Variants in LIN7C observed in about 807,000 individuals in gnomAD.
The protein encoded by LIN7C is lin-7 cell polarity scaffold C.
Under a neutral mutation model 24.7 loss-of-function variants are expected in LIN7C, and 17 were observed. That is an observed-to-expected ratio of 0.69 (90% CI 0.47 to 1.03). The LOEUF (loss-of-function observed/expected upper bound fraction) is 1.03, where lower values mean the gene tolerates loss of function less well. Ranked by LOEUF, LIN7C falls within the 50% of genes least tolerant of loss-of-function variation. The pLI is 0.00. For missense variants in LIN7C, 204 were observed against 239.0 expected (o/e 0.85, Z 0.97); for synonymous variants, 90 against 83.4 (o/e 1.08, Z -0.43).
rs781711469 is a variant in LIN7C at position 27,506,748 on chromosome 11, G to T, written c.5C>A (p.Ala2Glu). The T allele has an allele frequency of 9.9e-6, 16 of 1,613,930 alleles. No homozygotes were observed. The highest frequency in any genetic ancestry group is 1.4e-5 in the Non-Finnish European group (16 of 1,180,004). ...CAGCCGCACGGGTTCCCCTAGCGCC[G>T]CCATCTTCTCCCTTAACCTACAGAC... MAALGEPVRLER... is the reference protein window; with the variant it reads MEALGEPVRLER... The change falls in exon 1 of 5, where the codon GCG (alanine) becomes GAG (glutamate). Residue 2 changes from alanine (A) to glutamate (E), a missense_variant. Ala to Glu is a moderately radical substitution (Grantham distance 107). Around this residue, in one of 3 missense-constraint regions of LIN7C, gnomAD observed 126 missense variants for 117.8 expected, o/e 1.07. Transcript: ENST00000278193.
At chr11:27,502,374 C>T (rs1865234371) in intron 1 of LIN7C, among the ~76,000 whole-genome samples, 1 of 152,078 alleles carries the variant, frequency 6.6e-6, no homozygotes, top group East Asian at 1.9e-4. Context: ...GCACTATAAG[C>T]TAGTAAAATC....
In LIN7C at chr11:27,498,693, G is replaced by A. The variant is rs1305337388; in HGVS notation, c.550C>T (p.Arg184Cys). ...TPKVLEEMES[R>C]FEKMRSAKRR... ...TTTGCTGATCTCATTTTTTCAAAGC[G>A]CGACTCCATTTCTTCTAAGACTTTG... The change falls in exon 5 of 5, where the codon CGC becomes TGC. Residue 184 changes from arginine to cysteine, a missense_variant. Coordinates refer to ENST00000278193, the MANE Select transcript of LIN7C (RefSeq NM_018362.4). 51 of 1,613,512 alleles carry A rather than the reference G, an allele frequency of 3.2e-5. No individual in the cohort carries two copies. Among genetic ancestry groups the A allele is most frequent in the Non-Finnish European group, 4.2e-5 (50 of 1,179,846 alleles).
intron 1 of LIN7C, among the ~76,000 whole-genome samples, chr11:27,506,252 G>T (rs908491639): frequency 2.6e-5 from 4 of 152,234 alleles, no homozygotes; most frequent in Admixed American, 2.6e-4. Context: ...AAGCGAGGTT[G>T]TGGAGAAAGT....
rs1865228887 is a variant in LIN7C at position 27,501,801 on chromosome 11, C to T, written c.156+1G>A. On this transcript the variant is annotated splice_donor_variant, in intron 2 of 4. Coordinates refer to ENST00000278193, the MANE Select transcript of LIN7C (RefSeq NM_018362.4). LOFTEE classifies it high-confidence loss of function. ...TGTAAATTTTAATGATGTTTACTCA[C>T]CTCTCTCACAGCATTGCAGAATTCA... is the stretch of plus-strand genomic sequence containing the variant. 6.3e-7 allele frequency: 1 copy of T among 1,579,874 alleles called. No homozygotes were observed. The highest frequency in any genetic ancestry group is 8.7e-7 in the Non-Finnish European group (1 of 1,150,460).
At position 27,506,704 on chromosome 11, in the gene LIN7C, G is replaced by A. The variant is rs1486891183; in HGVS notation, c.37+12C>T. ...CTTCCGCCCACCTCCGCCGAGCCTC[G>A]GCTGCACTCACCTCTCTCCAGCCGC... On this transcript the variant is annotated intron_variant, in intron 1 of 4. Transcript: ENST00000278193. 1.1e-5 allele frequency: 17 copies of A among 1,613,716 alleles called. No homozygotes were observed. Among genetic ancestry groups the A allele is most frequent in the Non-Finnish European group, 1.4e-5 (17 of 1,179,968 alleles).
At chr11:27,506,249 G>A (rs1335077178) in intron 1 of LIN7C, among the ~76,000 whole-genome samples, 2 of 152,244 alleles carry the variant, frequency 1.3e-5, no homozygotes, top group Non-Finnish European at 2.9e-5. Context: ...TACAAGCGAG[G>A]TTGTGGAGAA....
At chr11:27,505,214 C>T (rs901675555) in intron 1 of LIN7C, among the ~76,000 whole-genome samples, 3 of 152,168 alleles carry the variant, frequency 2.0e-5, no homozygotes, top group African/African-American at 7.2e-5. Flanking sequence ...CGCCTGCAGT[C>T]CCAGCTACTC....
In LIN7C at chr11:27,498,083, T is replaced by C. The variant is rs1351769380; in HGVS notation, c.*566A>G. 1 of 152,310 alleles carries C rather than the reference T, an allele frequency of 6.6e-6. No individual in the cohort carries two copies. Among genetic ancestry groups the C allele is most frequent in the Non-Finnish European group, 1.5e-5 (1 of 68,130 alleles). 9.4% of individuals were successfully genotyped at this position (152,310 alleles called of 1,614,324 possible). On this transcript the variant is annotated 3_prime_UTR_variant, in exon 5 of 5. Coordinates refer to ENST00000278193, the MANE Select transcript of LIN7C (RefSeq NM_018362.4). Reference sequence around the variant, plus strand: ...AAAAAACTTGCACTGTACTGAGTCATGATTTACCACTGGTTATATATATTA... The same window carrying C: ...AAAAAACTTGCACTGTACTGAGTCACGATTTACCACTGGTTATATATATTA...
chr11:27,504,098 G>A (rs1026476661), intron 1 of LIN7C, among the ~76,000 whole-genome samples: 5 of 152,100 alleles, frequency 3.3e-5, no homozygotes, highest in East Asian at 1.9e-4. Flanking sequence ...GATTACAGGC[G>A]TGAGCCACTG....
rs1865180974 is a variant in LIN7C, at chr11:27,497,244, G to C, written c.*1405C>G. The C allele has an allele frequency of 6.6e-6, 1 of 152,506 alleles. No homozygotes were observed. The highest frequency in any genetic ancestry group is 6.6e-5 in the Admixed American group (1 of 15,266). 9.4% of individuals were successfully genotyped at this position (152,506 alleles called of 1,614,324 possible). A position where few individuals can be genotyped will look rare whatever the true frequency, so the allele number is the denominator to read the frequency against. Reference sequence around the variant, plus strand: ...AGCATACAATTCTATTCTTCCTGAAGGAATGTTACAAAATGCCCACTTTTT... The same window carrying C: ...AGCATACAATTCTATTCTTCCTGAACGAATGTTACAAAATGCCCACTTTTT... On this transcript the variant is annotated 3_prime_UTR_variant, in exon 5 of 5. Coordinates refer to ENST00000278193, the MANE Select transcript of LIN7C (RefSeq NM_018362.4).
intron 1 of LIN7C, among the ~76,000 whole-genome samples, chr11:27,506,135 A>C (rs529639665): frequency 6.6e-6 from 1 of 152,368 alleles, no homozygotes; most frequent in East Asian, 1.9e-4. Flanking sequence ...TATTCGGCTT[A>C]CTTACGTAAC....
rs1407151120 is a variant in LIN7C, at chr11:27,494,602, A to G, written c.*4047T>C. The G allele has an allele frequency of 6.6e-6, 1 of 152,206 alleles. No individual in the cohort carries two copies. The highest frequency in any genetic ancestry group is 2.4e-5 in the African/African-American group (1 of 41,434). The allele number at this position is 152,206 out of a possible 1,614,324, so 9.4% of individuals were successfully genotyped here. A position where few individuals can be genotyped will look rare whatever the true frequency, so the allele number is the denominator to read the frequency against. ...AACTCATACAAATTTATTTTAAATA[A>G]GCCTTAAAATCAGAATTAAATTGAT... On this transcript the variant is annotated 3_prime_UTR_variant, in exon 5 of 5. Transcript: ENST00000278193.
At chr11:27,500,652 C>T (rs999101891) in intron 3 of LIN7C, among the ~76,000 whole-genome samples, 1 of 151,044 alleles carries the variant, frequency 6.6e-6, no homozygotes, top group Non-Finnish European at 1.5e-5. Context: ...ACTGAACACC[C>T]GTTATCTTTG....
At chr11:27,502,472 A>C (rs1392064548) in intron 1 of LIN7C, among the ~76,000 whole-genome samples, 4 of 152,232 alleles carry the variant, frequency 2.6e-5, no homozygotes, top group Non-Finnish European at 5.9e-5. Flanking sequence ...CATTTAAAAC[A>C]ACCATAAAAA....
Position 27,506,176 on chromosome 11 carries a change from T to C in LIN7C, c.37+540A>G, listed in dbSNP as rs1865290457. Among the ~76,000 whole-genome samples the C allele has an allele frequency of 2.6e-5, 4 of 152,330 alleles. No homozygotes were observed. In the South Asian group the frequency reaches 8.3e-4, roughly 32 times the overall value. Reference sequence around the variant, plus strand: ...TCCCAAGACCAAGTCAGTAGGATTGTTTTTAAAGCAACCTCTCCATTTCTA... The same window carrying C: ...TCCCAAGACCAAGTCAGTAGGATTGCTTTTAAAGCAACCTCTCCATTTCTA... On this transcript the variant is annotated intron_variant, in intron 1 of 4. Coordinates refer to ENST00000278193, the MANE Select transcript of LIN7C (RefSeq NM_018362.4).
chr11:27,502,041 A>G, intron 1 of LIN7C, 121 bp from the exon 2 acceptor site: 1 of 637,840 alleles, frequency 1.6e-6, no homozygotes, highest in Non-Finnish European at 2.8e-6. Context: ...CGAGGGGAAA[A>G]AAAGCATTGA....
chr11:27,501,127 A>G (rs943667213), intron 3 of LIN7C, among the ~76,000 whole-genome samples: 1 of 152,112 alleles, frequency 6.6e-6, no homozygotes, highest in South Asian at 2.1e-4. Flanking sequence ...TTCCTCATCA[A>G]TAAGATGAGG....
Position 27,495,607 on chromosome 11 carries a change from AT to A in LIN7C, c.*3041del, listed in dbSNP as rs1865157984. On this transcript the variant is annotated 3_prime_UTR_variant, in exon 5 of 5. Coordinates refer to ENST00000278193, the MANE Select transcript of LIN7C (RefSeq NM_018362.4). ...ACAGTACATAATTATTAACGACAAT[AT>A]TTCTCATCTGCAATTTTTAAACATG... The A allele has an allele frequency of 6.6e-6, 1 of 152,108 alleles. No individual in the cohort carries two copies. Among genetic ancestry groups the A allele is most frequent in the Non-Finnish European group, 1.5e-5 (1 of 68,042 alleles). 9.4% of individuals were successfully genotyped at this position (152,108 alleles called of 1,614,324 possible).
intron 1 of LIN7C, among the ~76,000 whole-genome samples, chr11:27,505,549 G>A (rs960859747): frequency 2.0e-5 from 3 of 152,152 alleles, no homozygotes; most frequent in South Asian, 2.1e-4. Flanking sequence ...TAGGCTTAAC[G>A]GAAACAATCT....
Sources: gnomAD v4.1 joint callset for allele counts (sites outside exome capture counted in the v4.1 genomes callset) on GRCh38, gnomAD v4.1.1 for gene constraint, gnomAD v4.1.1 regional missense constraint, MANE v1.5 for transcripts, NCBI Gene and HGNC (gene_info 2026-07-23, HGNC 2026-07-21) for gene names.